PIP5K1B: variants seen among roughly 807,000 people sequenced by gnomAD.
PIP5K1B encodes the protein phosphatidylinositol-4-phosphate 5-kinase type 1 beta.
PIP5K1B carries 42 observed loss-of-function variants against 67.0 expected under a neutral mutation model. The observed-to-expected ratio is 0.63, with a 90% CI of 0.49 to 0.81. The LOEUF is 0.81. Among genes scored for constraint, PIP5K1B ranks in the 30% least tolerant of loss-of-function variants. The pLI is 0.00. For missense variants in PIP5K1B, 459 were observed against 646.3 expected (o/e 0.71, Z 3.14); for synonymous variants, 214 against 231.4 (o/e 0.92, Z 0.68).
At chr9:68,860,400 T>A (rs1823000623) in intron 4 of PIP5K1B, among the ~76,000 whole-genome samples, 1 of 152,208 alleles carries the variant, frequency 6.6e-6, no homozygotes, top group African/African-American at 2.4e-5. Context: ...ATAGTCCCCA[T>A]GTTACCAGTG....
chr9:68,789,202 C>T lies in PIP5K1B; in HGVS notation c.-85-29259C>T, dbSNP rs886819317. On this transcript the variant is annotated intron_variant, in intron 2 of 15. Transcript: ENST00000265382. ...AGTTATCCAGTGGGAAGTTGGTCAC[C>T]CACATTGGTGCTTCCTGTGATGGTG... The T allele has an allele frequency of 2.3e-5, 12 of 524,922 alleles. No individual in the cohort carries two copies. In the East Asian group the frequency reaches 5.6e-4, roughly 25 times the overall value. The allele number at this position is 524,922 out of a possible 1,614,324, so 32.5% of individuals were successfully genotyped here.
intron 14 of PIP5K1B, among the ~76,000 whole-genome samples, chr9:68,956,206 C>T (rs904595159): frequency 1.7e-4 from 26 of 152,320 alleles, no homozygotes; most frequent in African/African-American, 6.0e-4. Flanking sequence ...CAAGGTGGCT[C>T]ATGCCTGTAA....
intron 1 of PIP5K1B, among the ~76,000 whole-genome samples, chr9:68,726,534 C>T (rs777621385): frequency 6.6e-6 from 1 of 152,150 alleles, no homozygotes; most frequent in African/African-American, 2.4e-5. Context: ...CAGTTTTCTG[C>T]TTTTAGAATC....
chr9:68,714,301 G>A (rs1013832871), intron 1 of PIP5K1B, among the ~76,000 whole-genome samples: 2 of 152,158 alleles, frequency 1.3e-5, no homozygotes, highest in Non-Finnish European at 2.9e-5. Flanking sequence ...CAAGTAGCAC[G>A]ATCAGAAACT....
intron 8 of PIP5K1B, 33 bp from the exon 9 acceptor site, chr9:68,917,515 T>C: frequency 6.5e-7 from 1 of 1,538,054 alleles, no homozygotes; most frequent in Non-Finnish European, 9.0e-7. Flanking sequence ...GGCCTTTGGG[T>C]TGACTGGCTT....
chr9:68,921,827 G>A (rs551400198), intron 11 of PIP5K1B, among the ~76,000 whole-genome samples: 1 of 152,052 alleles, frequency 6.6e-6, no homozygotes, highest in East Asian at 1.9e-4. Flanking sequence ...CTCCAGCCTG[G>A]GCGACAGAGC....
chr9:68,860,039 A>T (rs921998095), intron 4 of PIP5K1B, among the ~76,000 whole-genome samples: 9 of 152,072 alleles, frequency 5.9e-5, no homozygotes, highest in Non-Finnish European at 1.2e-4. Flanking sequence ...TCACATAGTT[A>T]TTTTTTGTGA....
chr9:68,898,419 A>G (rs1825198489), intron 8 of PIP5K1B, among the ~76,000 whole-genome samples: 2 of 152,156 alleles, frequency 1.3e-5, no homozygotes, highest in Non-Finnish European at 2.9e-5. Context: ...ACAGCCATCC[A>G]TACCCACAAG....
intron 4 of PIP5K1B, among the ~76,000 whole-genome samples, chr9:68,840,819 T>TA (rs1821882057): frequency 6.6e-6 from 1 of 152,230 alleles, no homozygotes. Context: ...TGCAACCTTG[T>TA]AAAGTAACAT....
At chr9:68,909,345 G>T (rs1190590920) in intron 8 of PIP5K1B, among the ~76,000 whole-genome samples, 4 of 149,146 alleles carry the variant, frequency 2.7e-5, no homozygotes, top group Non-Finnish European at 5.9e-5. Flanking sequence ...ACACATCCAA[G>T]ACATCACATC....
At chr9:68,861,079 G>C (rs1823039271) in intron 4 of PIP5K1B, among the ~76,000 whole-genome samples, 1 of 152,180 alleles carries the variant, frequency 6.6e-6, no homozygotes, top group African/African-American at 2.4e-5. Context: ...CATATATCAA[G>C]TGCCTGGCAT....
Position 68,972,300 on chromosome 9 carries a change from T to A in PIP5K1B, c.1503-18840T>A, listed in dbSNP as rs145938929. ...TTGTCAAAGATCAGATGGTTGTAGATGTGTGGTGTTGTTTCTGAGGCCTCT... is the reference window on the plus strand; with the variant it reads ...TTGTCAAAGATCAGATGGTTGTAGAAGTGTGGTGTTGTTTCTGAGGCCTCT... On this transcript the variant is annotated intron_variant, in intron 14 of 15. Transcript: ENST00000265382. Among the ~76,000 whole-genome samples, 104 of 152,296 alleles carry A rather than the reference T, an allele frequency of 6.8e-4. 2 individuals carry two copies. Among genetic ancestry groups the A allele is most frequent in the African/African-American group, 2.4e-3 (99 of 41,564 alleles).
Position 68,940,756 on chromosome 9 carries a change from T to C in PIP5K1B, c.1468T>C (p.Tyr490His). The change falls in exon 14 of 16, where the codon TAT becomes CAT. Residue 490 changes from tyrosine (Y) to histidine (H), a missense_variant. Tyr to His is a moderately conservative substitution (Grantham distance 83). This residue lies in a region of PIP5K1B where 169 missense variants were observed against 171.9 expected (regional missense o/e 0.98). Transcript: ENST00000265382. ...SSSSLYVNEHYPHDRPTLYSN... is the reference protein window; with the variant it reads ...SSSSLYVNEHHPHDRPTLYSN... ...TTCTTCCTTATACGTCAATGAGCAC[T>C]ATCCACACGACAGGCCTACACTCTA... 1 of 1,613,980 alleles carries C rather than the reference T, an allele frequency of 6.2e-7. No individual in the cohort carries two copies. Among genetic ancestry groups the C allele is most frequent in the Non-Finnish European group, 8.5e-7 (1 of 1,179,904 alleles).
intron 14 of PIP5K1B, among the ~76,000 whole-genome samples, chr9:68,944,255 C>T (rs1827694355): frequency 1.3e-5 from 2 of 152,160 alleles, no homozygotes; most frequent in Non-Finnish European, 2.9e-5. Context: ...AGTAAGAAGT[C>T]TGTTCTTTTA....
intron 14 of PIP5K1B, among the ~76,000 whole-genome samples, chr9:68,976,174 C>A (rs1202320304): frequency 6.6e-6 from 1 of 152,180 alleles, no homozygotes; most frequent in East Asian, 1.9e-4. Context: ...AGGTGTAGTA[C>A]AGAGAAATAA....
At chr9:68,730,989 T>A (rs1828396966) in intron 1 of PIP5K1B, among the ~76,000 whole-genome samples, 1 of 152,238 alleles carries the variant, frequency 6.6e-6, no homozygotes, top group South Asian at 2.1e-4. Flanking sequence ...AAGTCTTAGT[T>A]GAAATATGCT....
chr9:68,723,179 TGAGAGAGAGAGAGAGAGA>T (rs754438778), intron 1 of PIP5K1B, among the ~76,000 whole-genome samples: 13 of 116,848 alleles, frequency 1.1e-4, no homozygotes, highest in South Asian at 6.8e-4. Context: ...TGTGTGTGTG[TGAGAGAGAGAGAGAGAGA>T]GGGAGAGAGA....
At chr9:68,879,692 G>C (rs1824075077) in intron 6 of PIP5K1B, among the ~76,000 whole-genome samples, 1 of 152,138 alleles carries the variant, frequency 6.6e-6, no homozygotes, top group South Asian at 2.1e-4. Flanking sequence ...ATTGCTAAGA[G>C]AGTAGATTTT....
intron 2 of PIP5K1B, among the ~76,000 whole-genome samples, chr9:68,790,533 G>A (rs1831900090): frequency 6.6e-6 from 1 of 152,146 alleles, no homozygotes; most frequent in African/African-American, 2.4e-5. Flanking sequence ...AACAGAATAA[G>A]GTTAAGCAGA....
Sources: gnomAD v4.1 joint callset for allele counts (sites outside exome capture counted in the v4.1 genomes callset) on GRCh38, gnomAD v4.1.1 for gene constraint, gnomAD v4.1.1 regional missense constraint, MANE v1.5 for transcripts, NCBI Gene and HGNC (gene_info 2026-07-23, HGNC 2026-07-21) for gene names.